Variants in OPA3 observed in about 807,000 individuals in gnomAD.
The protein encoded by OPA3 is optic atrophy 3 protein.
OPA3 carries 6 observed loss-of-function variants against 4.0 expected under a neutral mutation model. That is an observed-to-expected ratio of 1.51 (90% confidence interval 0.83 to 2.99). OPA3 has a LOEUF of 2.99. Ranked by LOEUF, OPA3 falls within the 30% of genes most tolerant of loss-of-function variation. The pLI, the probability that OPA3 is intolerant of heterozygous loss-of-function variation, is 0.00. For synonymous variants in OPA3, 105 were observed against 117.1 expected (o/e 0.90, Z 0.67); for missense variants, 235 against 256.2 (o/e 0.92, Z 0.56).
intron 1 of OPA3, among the ~76,000 whole-genome samples, chr19:45,578,972 C>T (rs1007469622): frequency 6.6e-6 from 1 of 152,172 alleles, no homozygotes; most frequent in Non-Finnish European, 1.5e-5. Context: ...CCCCCTTTCC[C>T]GTCATCAGTT....
At chr19:45,572,599 A>ATATATGTATATAAATATATATATCGC (rs1158845849) in intron 1 of OPA3, among the ~76,000 whole-genome samples, 2 of 96,696 alleles carry the variant, frequency 2.1e-5, no homozygotes, top group Non-Finnish European at 2.3e-5. Context: ...ATATATATTG[A>ATATATGTATATAAATATATATATCGC]TATATATCAT....
At chr19:45,570,606 G>C (rs1969647388) in intron 1 of OPA3, among the ~76,000 whole-genome samples, 1 of 152,172 alleles carries the variant, frequency 6.6e-6, no homozygotes, top group Non-Finnish European at 1.5e-5. Context: ...AGAATTGCTT[G>C]AACCTGGGAG....
chr19:45,535,352 A>G, intron 1 of OPA3, among the ~76,000 whole-genome samples: 1 of 146,936 alleles, frequency 6.8e-6, no homozygotes, highest in Non-Finnish European at 1.5e-5. Context: ...ATATGCAGTG[A>G]TCTTGATAAA....
intron 1 of OPA3, among the ~76,000 whole-genome samples, chr19:45,536,978 A>G (rs1032944602): frequency 6.6e-6 from 1 of 152,132 alleles, no homozygotes; most frequent in Non-Finnish European, 1.5e-5. Flanking sequence ...ATGCCTATAA[A>G]CTGTGCTTTG....
In OPA3 at chr19:45,549,376, G is replaced by A; in HGVS notation, c.*4138C>T. 1 of 985,300 alleles carries A rather than the reference G, an allele frequency of 1.0e-6. No homozygotes were observed. The highest frequency in any genetic ancestry group is 1.2e-6 in the Non-Finnish European group (1 of 829,920). The allele number at this position is 985,300 out of a possible 1,614,324, so 61.0% of individuals were successfully genotyped here. A position where few individuals can be genotyped will look rare whatever the true frequency, so the allele number is the denominator to read the frequency against. On this transcript the variant is annotated 3_prime_UTR_variant, in exon 2 of 2. Coordinates refer to ENST00000263275, the MANE Select transcript of OPA3 (RefSeq NM_025136.4). ...CTGGCTGCCTGTCAGGGCAGGGCAG[G>A]GCAGGGCTGAGTGCGAAGTCTCTGA... is the stretch of plus-strand genomic sequence containing the variant.
chr19:45,550,490 C>T lies in OPA3; in HGVS notation c.*3024G>A. 1 of 984,424 alleles carries T rather than the reference C, an allele frequency of 1.0e-6. No homozygotes were observed. The highest frequency in any genetic ancestry group is 1.2e-6 in the Non-Finnish European group (1 of 829,914). The allele number at this position is 984,424 out of a possible 1,614,324, so 61.0% of individuals were successfully genotyped here. A position where few individuals can be genotyped will look rare whatever the true frequency, so the allele number is the denominator to read the frequency against. On this transcript the variant is annotated 3_prime_UTR_variant, in exon 2 of 2. Coordinates refer to ENST00000263275, the MANE Select transcript of OPA3 (RefSeq NM_025136.4). ...TGTGTAGAGATCGTCACCCTCCCAG[C>T]CTCTGCTCAGCCATCGCCTCTCCCT... is the stretch of plus-strand genomic sequence containing the variant.
downstream of OPA3, among the ~76,000 whole-genome samples, chr19:45,541,716 C>G (rs937111909): frequency 3.9e-5 from 6 of 152,022 alleles, no homozygotes; most frequent in Non-Finnish European, 5.9e-5. Flanking sequence ...AGGCACACAC[C>G]ACCACACCTG....
At chr19:45,565,062 T>C (rs1202453565) in intron 1 of OPA3, among the ~76,000 whole-genome samples, 1 of 150,064 alleles carries the variant, frequency 6.7e-6, no homozygotes, top group Non-Finnish European at 1.5e-5. Flanking sequence ...TCATCTCTAC[T>C]AAAAATAAAG....
At chr19:45,584,240 C>T in intron 1 of OPA3, 1 of 678,720 alleles carries the variant, frequency 1.5e-6, no homozygotes, top group Non-Finnish European at 1.8e-6. Context: ...AATGAAGTTG[C>T]CCAAGGACAG....
intron 1 of OPA3, among the ~76,000 whole-genome samples, chr19:45,564,944 C>T (rs201514325): frequency 6.6e-6 from 1 of 152,112 alleles, no homozygotes; most frequent in East Asian, 1.9e-4. Context: ...AAACTTTTCT[C>T]GGCCGGGCGT....
chr19:45,556,793 T>C (rs920079637), intron 1 of OPA3, among the ~76,000 whole-genome samples: 2 of 152,128 alleles, frequency 1.3e-5, no homozygotes, highest in Non-Finnish European at 2.9e-5. Context: ...GCTGCTGCAG[T>C]TACTGTTACA....
At position 45,555,559 on chromosome 19, in the gene OPA3, C is replaced by A. The variant is rs562651957; in HGVS notation, c.143-1648G>T. On this transcript the variant is annotated intron_variant, in intron 1 of 1. Transcript: ENST00000263275. ...AGGCTGGAGTGCAGTGGCGCGATCT[C>A]GGCTCACTGCAAGCTCCGCCACCCG... 3.3e-5 allele frequency among the ~76,000 whole-genome samples: 5 copies of A among 151,624 alleles called. No individual in the cohort carries two copies. The South Asian group carries it at 6.2e-4, about 19-fold the overall frequency.
chr19:45,582,432 T>G (rs1969870272), intron 1 of OPA3, among the ~76,000 whole-genome samples: 1 of 152,158 alleles, frequency 6.6e-6, no homozygotes, highest in South Asian at 2.1e-4. Context: ...AGTGCTAGGA[T>G]TACAGATGCG....
chr19:45,548,501 T>C lies in OPA3; in HGVS notation c.*5013A>G, dbSNP rs780964248. 1.0e-4 allele frequency: 103 copies of C among 985,170 alleles called. No homozygotes were observed. Among genetic ancestry groups the C allele is most frequent in the Non-Finnish European group, 2.5e-5 (21 of 829,946 alleles). The allele number at this position is 985,170 out of a possible 1,614,324, so 61.0% of individuals were successfully genotyped here. A position where few individuals can be genotyped will look rare whatever the true frequency, so the allele number is the denominator to read the frequency against. On this transcript the variant is annotated 3_prime_UTR_variant, in exon 2 of 2. Coordinates refer to ENST00000263275, the MANE Select transcript of OPA3 (RefSeq NM_025136.4). ...GCCCAGCCCCTGCTTCCTAAACAACTATGGGGTGGGGCAGGGAACACTGGA... is the reference window on the plus strand; with the variant it reads ...GCCCAGCCCCTGCTTCCTAAACAACCATGGGGTGGGGCAGGGAACACTGGA...
At chr19:45,573,290 A>G (rs1018207918) in intron 1 of OPA3, among the ~76,000 whole-genome samples, 1 of 151,990 alleles carries the variant, frequency 6.6e-6, no homozygotes, top group African/African-American at 2.4e-5. Flanking sequence ...GTCTCACTAA[A>G]AATACAAAAA....
chr19:45,579,093 C>T (rs1269819412), intron 1 of OPA3, among the ~76,000 whole-genome samples: 6 of 152,164 alleles, frequency 3.9e-5, no homozygotes, highest in Non-Finnish European at 8.8e-5. Flanking sequence ...CGTTCCCTCC[C>T]TCCTTGGCAT....
chr19:45,542,969 C>T (rs1330679642), downstream of OPA3, among the ~76,000 whole-genome samples: 6 of 152,022 alleles, frequency 3.9e-5, no homozygotes, highest in African/African-American at 9.7e-5. Flanking sequence ...TCATGCCCAG[C>T]GCGTGACTTC....
chr19:45,534,045 A>G (rs950396934), intron 1 of OPA3, among the ~76,000 whole-genome samples: 16 of 152,340 alleles, frequency 1.1e-4, no homozygotes, highest in Admixed American at 2.0e-4. Flanking sequence ...TTATAAGATG[A>G]TATCTTTACA....
chr19:45,544,746 A>G (rs1168443226), downstream of OPA3, among the ~76,000 whole-genome samples: 1 of 151,804 alleles, frequency 6.6e-6, no homozygotes, highest in Non-Finnish European at 1.5e-5. Flanking sequence ...GTGAGCCGAG[A>G]TCATGCCATT....
Sources: allele counts gnomAD v4.1 joint callset (sites outside exome capture counted in the v4.1 genomes callset), GRCh38; gene constraint gnomAD v4.1.1; transcripts MANE v1.5; gene names NCBI Gene and HGNC (gene_info 2026-07-23, HGNC 2026-07-21).